WDR72: variants seen among roughly 807,000 people sequenced by gnomAD.
The protein encoded by WDR72 is WD repeat domain 72.
In WDR72, 120 loss-of-function variants were observed where a neutral mutation model predicts 124.2. The observed-to-expected ratio is 0.97, with a 90% CI of 0.83 to 1.12. The LOEUF is 1.12. Among genes scored for constraint, WDR72 ranks in the 50% most tolerant of loss-of-function variants. The pLI is 0.00. For synonymous variants in WDR72, 452 were observed against 441.7 expected, an observed-to-expected ratio of 1.02 and a Z score of -0.29; for missense variants, 1,387 against 1,278.8, an observed-to-expected ratio of 1.08 and a Z score of -1.29.
chr15:53,740,791 T>C (rs143287534), intron 1 of WDR72, among the ~76,000 whole-genome samples: 4 of 152,318 alleles, frequency 2.6e-5, no homozygotes, highest in African/African-American at 7.2e-5. Flanking sequence ...GAGTGTAAAC[T>C]TGAATCAGGC....
intron 14 of WDR72, among the ~76,000 whole-genome samples, chr15:53,631,000 G>A (rs1158544070): frequency 6.6e-6 from 1 of 152,192 alleles, no homozygotes; most frequent in Non-Finnish European, 1.5e-5. Flanking sequence ...ACTAATAAAT[G>A]AGTTTAGCAA....
At chr15:53,665,482 G>T (rs554791414) in intron 14 of WDR72, 90 bp downstream of exon 14, 1 of 1,425,372 alleles carries the variant, frequency 7.0e-7, no homozygotes, top group African/African-American at 1.4e-5. Context: ...TTTTCATGCT[G>T]ATACTTAAGT....
intron 18 of WDR72, among the ~76,000 whole-genome samples, chr15:53,563,268 TA>T (rs1317291641): frequency 6.6e-6 from 1 of 151,764 alleles, no homozygotes; most frequent in East Asian, 1.9e-4. Flanking sequence ...ACAAGCAGAC[TA>T]ATTTATTAAA....
At chr15:53,594,480 C>G (rs567840416) in intron 18 of WDR72, among the ~76,000 whole-genome samples, 1 of 151,846 alleles carries the variant, frequency 6.6e-6, no homozygotes, top group South Asian at 2.1e-4. Flanking sequence ...ATTACTACAC[C>G]CAGTGAATAG....
At chr15:53,553,667 T>A (rs755677750) in intron 18 of WDR72, among the ~76,000 whole-genome samples, 3 of 152,186 alleles carry the variant, frequency 2.0e-5, no homozygotes, top group Non-Finnish European at 4.4e-5. Flanking sequence ...GGTGATTTTA[T>A]GAGAATTTTC....
intron 13 of WDR72, among the ~76,000 whole-genome samples, chr15:53,686,594 T>C (rs965937135): frequency 2.6e-5 from 4 of 151,290 alleles, no homozygotes; most frequent in Non-Finnish European, 5.9e-5. Context: ...AGACTTAGAC[T>C]CCCACACATT....
intron 18 of WDR72, among the ~76,000 whole-genome samples, chr15:53,587,102 TG>T (rs978347523): frequency 2.0e-5 from 3 of 152,054 alleles, no homozygotes; most frequent in African/African-American, 7.2e-5. Flanking sequence ...AGATGCCAGA[TG>T]GCCTGCAATG....
intron 9 of WDR72, among the ~76,000 whole-genome samples, chr15:53,706,371 T>TACATATATATATATATATAC (rs1567040197): frequency 3.8e-5 from 2 of 52,638 alleles, no homozygotes; most frequent in African/African-American, 1.4e-4. Context: ...TATATATATA[T>TACATATATATATATATATAC]ATATATATAT....
At chr15:53,612,264 A>G (rs1042711901) in intron 16 of WDR72, among the ~76,000 whole-genome samples, 5 of 152,158 alleles carry the variant, frequency 3.3e-5, no homozygotes, top group African/African-American at 1.2e-4. Context: ...ACAGCAATGA[A>G]TAAAACTGTC....
chr15:53,750,420 A>T (rs1446858636), intron 1 of WDR72, among the ~76,000 whole-genome samples: 1 of 152,164 alleles, frequency 6.6e-6, no homozygotes, highest in East Asian at 1.9e-4. Context: ...TCAAAACAAT[A>T]CTGTTCATTG....
intron 14 of WDR72, among the ~76,000 whole-genome samples, chr15:53,647,132 T>C (rs545696521): frequency 2.6e-4 from 39 of 152,212 alleles, no homozygotes; most frequent in African/African-American, 8.4e-4. Flanking sequence ...GAAAATCATA[T>C]AACTCCATGT....
chr15:53,572,267 T>C (rs1382661229), intron 18 of WDR72, among the ~76,000 whole-genome samples: 1 of 152,014 alleles, frequency 6.6e-6, no homozygotes, highest in Non-Finnish European at 1.5e-5. Flanking sequence ...GCTTTTGGGG[T>C]TGTATTAACA....
chr15:53,697,942 G>C (rs1249035265), intron 13 of WDR72, among the ~76,000 whole-genome samples: 1 of 152,060 alleles, frequency 6.6e-6, no homozygotes, highest in African/African-American at 2.4e-5. Flanking sequence ...CCGAGTAGCT[G>C]GGACTACAGG....
intron 18 of WDR72, among the ~76,000 whole-genome samples, chr15:53,572,951 A>G (rs1894602745): frequency 6.6e-6 from 1 of 152,232 alleles, no homozygotes; most frequent in African/African-American, 2.4e-5. Flanking sequence ...GGATAACAAA[A>G]TCAAGGGAAG....
intron 18 of WDR72, among the ~76,000 whole-genome samples, chr15:53,553,003 G>A (rs1027810200): frequency 2.6e-5 from 4 of 151,554 alleles, no homozygotes; most frequent in East Asian, 1.9e-4. Context: ...CACTGTCAAC[G>A]GTCAATATCA....
At chr15:53,720,343 G>A (rs1356985588) in intron 3 of WDR72, among the ~76,000 whole-genome samples, 2 of 152,090 alleles carry the variant, frequency 1.3e-5, no homozygotes, top group Admixed American at 6.5e-5. Context: ...GACCAGAATC[G>A]CGTGTGTGTG....
At chr15:53,569,142 C>G (rs901246706) in intron 18 of WDR72, among the ~76,000 whole-genome samples, 5 of 150,752 alleles carry the variant, frequency 3.3e-5, no homozygotes, top group Non-Finnish European at 5.9e-5. Flanking sequence ...CATTCTCTTT[C>G]TCTGAAGACC....
intron 17 of WDR72, among the ~76,000 whole-genome samples, chr15:53,603,064 T>A (rs986238096): frequency 6.6e-6 from 1 of 151,904 alleles, no homozygotes; most frequent in Admixed American, 6.6e-5. Context: ...GTATTCCTGA[T>A]GAACATCAAT....
intron 13 of WDR72, among the ~76,000 whole-genome samples, chr15:53,670,588 G>T (rs2015951945): frequency 6.6e-6 from 1 of 152,210 alleles, no homozygotes; most frequent in Admixed American, 6.5e-5. Flanking sequence ...TCTGGCATCA[G>T]ACTGTCCTGT....
Sources: allele counts gnomAD v4.1 joint callset (sites outside exome capture counted in the v4.1 genomes callset), GRCh38; gene constraint gnomAD v4.1.1; transcripts MANE v1.5; gene names NCBI Gene and HGNC (gene_info 2026-07-23, HGNC 2026-07-21).